CPLX2: variants seen among roughly 807,000 people sequenced by gnomAD.
CPLX2 encodes complexin 2.
CPLX2 carries 5 observed loss-of-function variants against 16.3 expected under a neutral mutation model. The observed-to-expected ratio is 0.31, with a 90% CI of 0.16 to 0.64. CPLX2 has a LOEUF of 0.64. Among genes scored for constraint, CPLX2 ranks in the 30% least tolerant of loss-of-function variants. CPLX2 has a pLI of 0.79. For synonymous variants in CPLX2, 89 were observed against 73.2 expected (o/e 1.22, Z -1.10); for missense variants, 144 against 181.4 (o/e 0.79, Z 1.18).
intron 1 of CPLX2, among the ~76,000 whole-genome samples, chr5:175,799,539 C>CATATATAT (rs70988299): frequency 3.5e-3 from 252 of 72,214 alleles, no homozygotes; most frequent in African/African-American, 4.1e-3. Context: ...TTGCAAATTT[C>CATATATAT]ATATATATAT....
intron 2 of CPLX2, among the ~76,000 whole-genome samples, chr5:175,851,937 C>T (rs959114863): frequency 1.1e-4 from 17 of 152,238 alleles, no homozygotes; most frequent in African/African-American, 3.9e-4. Context: ...ATAAGCCCTT[C>T]TCTTGGGCAG....
At chr5:175,868,588 C>T (rs565657264), upstream of CPLX2, among the ~76,000 whole-genome samples, 8 of 152,182 alleles carry the variant, frequency 5.3e-5, no homozygotes, top group South Asian at 4.2e-4. Flanking sequence ...CAAGAACCTG[C>T]GGCTGGGCCT....
At chr5:175,806,878 C>T (rs768506850) in intron 1 of CPLX2, among the ~76,000 whole-genome samples, 4 of 152,254 alleles carry the variant, frequency 2.6e-5, no homozygotes, top group East Asian at 3.9e-4. Flanking sequence ...TAGTTACTCA[C>T]GGGTTTCCAC....
intron 2 of CPLX2, among the ~76,000 whole-genome samples, chr5:175,858,117 G>A (rs954776203): frequency 6.6e-6 from 1 of 152,230 alleles, no homozygotes; most frequent in African/African-American, 2.4e-5. Context: ...GCAAAGTCTG[G>A]ATACAAACCC....
chr5:175,815,025 T>C (rs965580039), intron 2 of CPLX2, among the ~76,000 whole-genome samples: 3 of 150,182 alleles, frequency 2.0e-5, no homozygotes, highest in African/African-American at 7.4e-5. Flanking sequence ...GGAGGAGGAG[T>C]GGATTCTGGG....
chr5:175,798,017 T>G (rs1758025828), intron 1 of CPLX2, among the ~76,000 whole-genome samples: 1 of 152,192 alleles, frequency 6.6e-6, no homozygotes, highest in Non-Finnish European at 1.5e-5. Flanking sequence ...CAGGGGTGAT[T>G]CGCCCAAGGT....
At chr5:175,828,192 G>T (rs1758655205) in intron 2 of CPLX2, among the ~76,000 whole-genome samples, 1 of 152,166 alleles carries the variant, frequency 6.6e-6, no homozygotes, top group Non-Finnish European at 1.5e-5. Context: ...CCTCACTGAG[G>T]CAGCCTCTGG....
rs146466940 is a variant in CPLX2, at chr5:175,809,249, C to T, written c.-89+181C>T. 3 of 152,312 alleles carry T rather than the reference C, an allele frequency of 2.0e-5. No individual in the cohort carries two copies. Among genetic ancestry groups the T allele is most frequent in the African/African-American group, 7.2e-5 (3 of 41,550 alleles). 9.4% of individuals were successfully genotyped at this position (152,312 alleles called of 1,614,324 possible). ...GGTGTTTACCTTGCATGTTCAGAGC[C>T]GTTTACAACAGAGAAGCACTTTCTT... On this transcript the variant is annotated intron_variant, in intron 2 of 4. Transcript: ENST00000359546. This position sits in a 1 kb window ranked among gnomAD's most constrained non-coding sequence, Gnocchi z 4.4.
intron 2 of CPLX2, among the ~76,000 whole-genome samples, chr5:175,831,574 T>C (rs1758736418): frequency 6.6e-6 from 1 of 152,208 alleles, no homozygotes; most frequent in African/African-American, 2.4e-5. Flanking sequence ...GAGCAGAACA[T>C]TGACTATGAT....
At chr5:175,863,293 G>A (rs1759406339) in intron 2 of CPLX2, among the ~76,000 whole-genome samples, 1 of 152,186 alleles carries the variant, frequency 6.6e-6, no homozygotes, top group Non-Finnish European at 1.5e-5. Context: ...CAAACTCTGG[G>A]ACTAGTTGCC....
At position 175,879,051 on chromosome 5, in the gene CPLX2, C is replaced by T; in HGVS notation, c.175C>T (p.Arg59Trp). The change falls in exon 3 of 4, where the codon CGG becomes TGG. Residue 59 changes from arginine to tryptophan, a missense_variant. Arg to Trp is a moderately radical substitution (Grantham distance 101, BLOSUM62 -3). Transcript: ENST00000393745. Reference sequence around the variant, plus strand: ...CAAGCACGCGCGCATGGAGGCGGAGCGGGAGAAGGTCCGGCAGCAGATCCG... The same window carrying T: ...CAAGCACGCGCGCATGGAGGCGGAGTGGGAGAAGGTCCGGCAGCAGATCCG... ...KAKHARMEAEREKVRQQIRDK... is the reference protein window; with the variant it reads ...KAKHARMEAEWEKVRQQIRDK... 2 of 1,584,758 alleles carry T rather than the reference C, an allele frequency of 1.3e-6. No homozygotes were observed.
intron 2 of CPLX2, among the ~76,000 whole-genome samples, chr5:175,835,288 A>T (rs1758808717): frequency 6.6e-6 from 1 of 152,256 alleles, no homozygotes; most frequent in Non-Finnish European, 1.5e-5. Context: ...TGCATAAGAC[A>T]GGAATAGTCA....
At chr5:175,861,287 C>A (rs1044242187) in intron 2 of CPLX2, among the ~76,000 whole-genome samples, 1 of 152,172 alleles carries the variant, frequency 6.6e-6, no homozygotes, top group Admixed American at 6.5e-5. Context: ...TGCTCTCAAG[C>A]AGCTTAGGAT....
rs558850292 is a variant in CPLX2, at chr5:175,857,527, G to A, written c.-88-21125G>A. ...TTGCTGAACCTAGTCTACCTTAAACGTGCTCAGACACTTACGTTAGCCCAG... is the reference window on the plus strand; with the variant it reads ...TTGCTGAACCTAGTCTACCTTAAACATGCTCAGACACTTACGTTAGCCCAG... On this transcript the variant is annotated intron_variant, in intron 2 of 4. Transcript: ENST00000359546. Among the ~76,000 whole-genome samples the A allele has an allele frequency of 1.0e-3, 157 of 152,244 alleles. 2 individuals are homozygous for A. Among genetic ancestry groups the A allele is most frequent in the Admixed American group, 2.7e-3 (42 of 15,300 alleles).
Position 175,846,131 on chromosome 5 carries a change from C to G in CPLX2, c.-88-32521C>G, listed in dbSNP as rs543190167. Among the ~76,000 whole-genome samples the G allele has an allele frequency of 2.6e-5, 4 of 152,240 alleles. No individual in the cohort carries two copies. The East Asian group carries it at 7.7e-4, about 29-fold the overall frequency. ...CATGCACACACACAAACACACACAC[C>G]CGCACCCCCCTGCCTGGCCAAGTCC... is the stretch of plus-strand genomic sequence containing the variant. On this transcript the variant is annotated intron_variant, in intron 2 of 4. Transcript: ENST00000359546.
intron 2 of CPLX2, among the ~76,000 whole-genome samples, chr5:175,864,725 ATGAG>A (rs953976084): frequency 5.3e-5 from 8 of 152,266 alleles, no homozygotes; most frequent in African/African-American, 1.7e-4. Flanking sequence ...AGATAAGAGA[ATGAG>A]TGAGTGAAAA....
intron 2 of CPLX2, among the ~76,000 whole-genome samples, chr5:175,858,541 A>T (rs1759304059): frequency 6.6e-6 from 1 of 152,222 alleles, no homozygotes; most frequent in Non-Finnish European, 1.5e-5. Context: ...GGCCAGTGTC[A>T]GTGGGGAGCC....
chr5:175,801,856 C>T (rs1175631635), intron 1 of CPLX2, among the ~76,000 whole-genome samples: 1 of 152,168 alleles, frequency 6.6e-6, no homozygotes, highest in Non-Finnish European at 1.5e-5. Context: ...GAGATGCCCA[C>T]CTTGCTCTGT....
At chr5:175,847,900 G>A (rs1376812725) in intron 2 of CPLX2, among the ~76,000 whole-genome samples, 1 of 152,230 alleles carries the variant, frequency 6.6e-6, no homozygotes, top group Admixed American at 6.5e-5. Context: ...TCAGCTGCCG[G>A]CGAGTTTTAT....
Sources: gnomAD v4.1 joint callset for allele counts (sites outside exome capture counted in the v4.1 genomes callset) on GRCh38, gnomAD v4.1.1 for gene constraint, Gnocchi (gnomAD v3.1) non-coding constraint, MANE v1.5 for transcripts, NCBI Gene and HGNC (gene_info 2026-07-23, HGNC 2026-07-21) for gene names.